PPM1E: variants seen among roughly 807,000 people sequenced by gnomAD.
PPM1E encodes the protein protein phosphatase, Mg2+/Mn2+ dependent 1E.
Under a neutral mutation model 65.9 loss-of-function variants are expected in PPM1E, and 20 were observed. The observed-to-expected ratio is 0.30, with a 90% CI of 0.21 to 0.44. The LOEUF is 0.44. Among genes scored for constraint, PPM1E ranks in the 20% least tolerant of loss-of-function variants. The probability of loss-of-function intolerance (pLI) is 1.00; values close to 1 mark genes in which losing one functional copy is unlikely to be tolerated. For synonymous variants in PPM1E, 352 were observed against 374.9 expected (o/e 0.94, Z 0.70); for missense variants, 713 against 953.1 (o/e 0.75, Z 3.32).
intron 1 of PPM1E, among the ~76,000 whole-genome samples, chr17:58,875,916 A>G (rs1158363412): frequency 6.6e-6 from 1 of 152,206 alleles, no homozygotes; most frequent in East Asian, 1.9e-4. Flanking sequence ...TTAATGAGAG[A>G]TATAGTACAA....
At chr17:58,807,036 T>C (rs1282665690) in intron 1 of PPM1E, among the ~76,000 whole-genome samples, 1 of 152,068 alleles carries the variant, frequency 6.6e-6, no homozygotes. Context: ...TACTCTGTCA[T>C]GGTTGCATTA....
At chr17:58,914,586 C>T (rs2051664083) in intron 1 of PPM1E, among the ~76,000 whole-genome samples, 2 of 152,094 alleles carry the variant, frequency 1.3e-5, no homozygotes, top group Admixed American at 6.6e-5. Flanking sequence ...GTGTTAACCC[C>T]CATCCCCAGT....
In PPM1E at chr17:58,980,625, G is replaced by A; in HGVS notation, c.1862G>A (p.Ser621Asn). The A allele has an allele frequency of 6.2e-7, 1 of 1,614,196 alleles. No individual in the cohort carries two copies. The change falls in exon 7 of 7, where the codon AGT becomes AAT. Residue 621 changes from serine (S) to asparagine (N), a missense_variant. Transcript: ENST00000308249. The surrounding 1 kb of genome is among the most constrained non-coding windows in gnomAD (Gnocchi z 4.7). ...GTTCAGTCATCATTGCCTGAATGGA[G>A]TGGTGCTGGAGAGTTTCCCACTGCT... ...KSVQSSLPEW[S>N]GAGEFPTAFN... is the part of the protein sequence containing the mutation.
intron 1 of PPM1E, among the ~76,000 whole-genome samples, chr17:58,796,456 GAGA>G (rs1206297191): frequency 6.6e-6 from 1 of 152,164 alleles, no homozygotes; most frequent in Non-Finnish European, 1.5e-5. Context: ...TTTTTGTAGA[GAGA>G]AGATTTTGCT....
chr17:58,847,155 A>G (rs1217918565), intron 1 of PPM1E, among the ~76,000 whole-genome samples: 2 of 152,082 alleles, frequency 1.3e-5, no homozygotes, highest in East Asian at 3.8e-4. Flanking sequence ...AGTTCTTTGT[A>G]GATTCTGGAT....
rs576607714 is a variant in PPM1E at position 58,865,460 on chromosome 17, C to T, written c.465-90189C>T. Among the ~76,000 whole-genome samples, 4 of 152,300 alleles carry T rather than the reference C, an allele frequency of 2.6e-5. No individual in the cohort carries two copies. The South Asian group carries it at 8.3e-4, about 32-fold the overall frequency. ...GTGGCTCATGCCTGTAATCCCAGCA[C>T]TTGGGGAGGCAGAGGTGAGGCGGGA... On this transcript the variant is annotated intron_variant, in intron 1 of 6. Coordinates refer to ENST00000308249, the MANE Select transcript of PPM1E (RefSeq NM_014906.5).
At chr17:58,850,075 T>A (rs896211909) in intron 1 of PPM1E, among the ~76,000 whole-genome samples, 1 of 152,188 alleles carries the variant, frequency 6.6e-6, no homozygotes, top group Non-Finnish European at 1.5e-5. Context: ...GTTTAAAGTC[T>A]GTTATATCAG....
intron 1 of PPM1E, among the ~76,000 whole-genome samples, chr17:58,878,743 A>C (rs377241546): frequency 1.3e-5 from 2 of 150,720 alleles, no homozygotes; most frequent in African/African-American, 4.9e-5. Context: ...GACCAGCCTG[A>C]CCAATATGGA....
At chr17:58,974,909 T>C (rs2030898127) in intron 6 of PPM1E, among the ~76,000 whole-genome samples, 1 of 151,928 alleles carries the variant, frequency 6.6e-6, no homozygotes, top group African/African-American at 2.4e-5. Context: ...TCCTGAAAAA[T>C]TGAGATTTGG....
At chr17:58,915,844 A>C (rs2051677420) in intron 1 of PPM1E, among the ~76,000 whole-genome samples, 1 of 152,200 alleles carries the variant, frequency 6.6e-6, no homozygotes, top group Non-Finnish European at 1.5e-5. Flanking sequence ...AGTAGATAGA[A>C]AATTTGTGTT....
At position 58,984,667 on chromosome 17, in the gene PPM1E, T is replaced by C. The variant is rs1430381573; in HGVS notation, c.*3636T>C. 6.6e-6 allele frequency: 1 copy of C among 152,638 alleles called. No homozygotes were observed. The highest frequency in any genetic ancestry group is 6.5e-5 in the Admixed American group (1 of 15,286). The allele number at this position is 152,638 out of a possible 1,614,324, so 9.5% of individuals were successfully genotyped here. A position where few individuals can be genotyped will look rare whatever the true frequency, so the allele number is the denominator to read the frequency against. On this transcript the variant is annotated 3_prime_UTR_variant, in exon 7 of 7. Transcript: ENST00000308249. Reference sequence around the variant, plus strand: ...TTCTGATCTGCAAATAGCTTAAATGTCTCTTGCAAAACAAAGTAAGATACC... The same window carrying C: ...TTCTGATCTGCAAATAGCTTAAATGCCTCTTGCAAAACAAAGTAAGATACC...
Position 58,817,328 on chromosome 17 carries a change from G to A in PPM1E, c.464+60867G>A, listed in dbSNP as rs995077897. On this transcript the variant is annotated intron_variant, in intron 1 of 6. Coordinates refer to ENST00000308249, the MANE Select transcript of PPM1E (RefSeq NM_014906.5). ...TCATATGGTAATTCTATGTCTAATC[G>A]TTTGAGGAACTGCCAAACGTTTTCA... 3.3e-5 allele frequency among the ~76,000 whole-genome samples: 5 copies of A among 152,052 alleles called. No individual in the cohort carries two copies. The South Asian group carries it at 8.3e-4, about 25-fold the overall frequency.
intron 2 of PPM1E, among the ~76,000 whole-genome samples, chr17:58,963,455 G>A (rs1002853449): frequency 6.6e-6 from 1 of 151,338 alleles, no homozygotes; most frequent in Non-Finnish European, 1.5e-5. Flanking sequence ...TTGGGAGGCC[G>A]AGGCGGGTGG....
intron 1 of PPM1E, among the ~76,000 whole-genome samples, chr17:58,923,488 G>T (rs761553241): frequency 6.6e-6 from 1 of 151,776 alleles, no homozygotes; most frequent in African/African-American, 2.4e-5. Flanking sequence ...GCTCACGCCT[G>T]TAATCCCAGC....
intron 1 of PPM1E, among the ~76,000 whole-genome samples, chr17:58,862,612 G>T (rs989383328): frequency 2.6e-5 from 4 of 152,192 alleles, no homozygotes; most frequent in Admixed American, 2.6e-4. Flanking sequence ...GGGCTTTCAG[G>T]TAGAGGAAAA....
chr17:58,915,201 G>GAA lies in PPM1E; in HGVS notation c.465-40448_465-40447insAA, dbSNP rs564607220. Among the ~76,000 whole-genome samples the GAA allele has an allele frequency of 1.3e-4, 20 of 152,306 alleles. No individual in the cohort carries two copies. The South Asian group carries it at 3.9e-3, about 30-fold the overall frequency. On this transcript the variant is annotated intron_variant, in intron 1 of 6. Transcript: ENST00000308249. ...ACCCCATAGACAGAGCAGCCTTGAG[G>GAA]GCTGCTGGTTGTCCATTTTTATGGT...
chr17:58,915,209 G>A (rs2051670635), intron 1 of PPM1E, among the ~76,000 whole-genome samples: 2 of 152,176 alleles, frequency 1.3e-5, no homozygotes, highest in Admixed American at 6.6e-5. Flanking sequence ...AGGGCTGCTG[G>A]TTGTCCATTT....
chr17:58,967,986 T>A (rs2030365057), intron 3 of PPM1E, among the ~76,000 whole-genome samples: 1 of 152,042 alleles, frequency 6.6e-6, no homozygotes, highest in South Asian at 2.1e-4. Flanking sequence ...GTATTTTTAG[T>A]AGAGACAGGG....
chr17:58,839,813 A>T (rs989961259), intron 1 of PPM1E, among the ~76,000 whole-genome samples: 1 of 152,216 alleles, frequency 6.6e-6, no homozygotes, highest in Non-Finnish European at 1.5e-5. Context: ...AACGTTGAGG[A>T]TACTAGAACA....
Sources: gnomAD v4.1 joint callset for allele counts (sites outside exome capture counted in the v4.1 genomes callset) on GRCh38, gnomAD v4.1.1 for gene constraint, Gnocchi (gnomAD v3.1) non-coding constraint, MANE v1.5 for transcripts, NCBI Gene and HGNC (gene_info 2026-07-23, HGNC 2026-07-21) for gene names.